Variants in GMDS observed in about 807,000 individuals in gnomAD.
GMDS encodes the protein GDP-mannose 4,6 dehydratase.
In GMDS, 20 loss-of-function variants were observed where a neutral mutation model predicts 49.9. The ratio of observed to expected loss-of-function variants is 0.40; its 90% CI spans 0.28 to 0.58. The LOEUF (loss-of-function observed/expected upper bound fraction) is 0.58. Ranked by LOEUF, GMDS falls within the 20% of genes least tolerant of loss-of-function variation. The pLI, the probability that GMDS is intolerant of heterozygous loss-of-function variation, is 0.42. For missense variants in GMDS, 362 were observed against 481.4 expected (o/e 0.75, Z 2.32); for synonymous variants, 177 against 178.6 (o/e 0.99, Z 0.07).
intron 1 of GMDS, among the ~76,000 whole-genome samples, chr6:2,205,007 T>A (rs1046864410): frequency 1.3e-5 from 2 of 152,112 alleles, no homozygotes; most frequent in South Asian, 4.1e-4. Flanking sequence ...TAATATTGAA[T>A]TTTTTTTACG....
chr6:2,135,626 C>A (rs1249696983), intron 1 of GMDS, among the ~76,000 whole-genome samples: 1 of 150,358 alleles, frequency 6.7e-6, no homozygotes, highest in Non-Finnish European at 1.5e-5. Context: ...TCATCATCAT[C>A]ATATTAGCAA....
intron 8 of GMDS, among the ~76,000 whole-genome samples, chr6:1,732,313 G>A (rs1032786766): frequency 3.3e-5 from 5 of 152,298 alleles, no homozygotes; most frequent in Admixed American, 1.3e-4. Flanking sequence ...GTGACAGAGC[G>A]AGGCTCCGTC....
chr6:1,713,602 T>TG (rs1302756753), intron 9 of GMDS, among the ~76,000 whole-genome samples: 2 of 151,468 alleles, frequency 1.3e-5, no homozygotes, highest in Non-Finnish European at 2.9e-5. Flanking sequence ...TTTGGATCAA[T>TG]GGGACACACA....
intron 9 of GMDS, among the ~76,000 whole-genome samples, chr6:1,658,412 G>A (rs1290803806): frequency 6.6e-6 from 1 of 152,220 alleles, no homozygotes; most frequent in African/African-American, 2.4e-5. Context: ...GCTGGCATTC[G>A]GCCCTGCGCC....
chr6:2,087,881 T>C (rs1773102348), intron 4 of GMDS, among the ~76,000 whole-genome samples: 2 of 152,204 alleles, frequency 1.3e-5, no homozygotes, highest in Non-Finnish European at 2.9e-5. Flanking sequence ...GCCCAAGTTT[T>C]GTGTCCTCAG....
chr6:1,900,895 C>CA (rs1760468027), intron 7 of GMDS, among the ~76,000 whole-genome samples: 1 of 152,214 alleles, frequency 6.6e-6, no homozygotes, highest in Admixed American at 6.5e-5. Context: ...TGATATCACT[C>CA]ACAGTGTTTC....
chr6:2,004,771 T>C (rs917646324), intron 4 of GMDS, among the ~76,000 whole-genome samples: 34 of 152,178 alleles, frequency 2.2e-4, no homozygotes, highest in African/African-American at 7.7e-4. Flanking sequence ...AAAATAAGGA[T>C]TGTGGGATAC....
chr6:2,078,923 A>G (rs1390474741), intron 4 of GMDS, among the ~76,000 whole-genome samples: 1 of 150,646 alleles, frequency 6.6e-6, no homozygotes, highest in Non-Finnish European at 1.5e-5. Flanking sequence ...TATTTATCCT[A>G]TGAATCTTGT....
chr6:1,821,424 C>T (rs1189007097), intron 7 of GMDS, among the ~76,000 whole-genome samples: 1 of 151,884 alleles, frequency 6.6e-6, no homozygotes, highest in African/African-American at 2.4e-5. Context: ...CAAACTCTGC[C>T]AAGCTGGGAT....
intron 1 of GMDS, among the ~76,000 whole-genome samples, chr6:2,189,204 G>C (rs1000530316): frequency 6.6e-6 from 1 of 152,116 alleles, no homozygotes. Context: ...AGGGAAAAAA[G>C]GGAGCAGAAA....
chr6:1,911,860 G>A (rs1267378498), intron 7 of GMDS, among the ~76,000 whole-genome samples: 1 of 152,052 alleles, frequency 6.6e-6, no homozygotes, highest in Non-Finnish European at 1.5e-5. Flanking sequence ...TTCTGACTAA[G>A]CAAGGTCTTT....
chr6:1,759,894 C>A (rs948642981), intron 7 of GMDS, among the ~76,000 whole-genome samples: 1 of 151,922 alleles, frequency 6.6e-6, no homozygotes, highest in African/African-American at 2.4e-5. Context: ...GCCTACTGCG[C>A]CCCAGCCCCC....
chr6:1,624,744 G>A, intron 9 of GMDS: 1 of 552,798 alleles, frequency 1.8e-6, no homozygotes, highest in Non-Finnish European at 3.2e-6. Context: ...TGTGCTGTGC[G>A]GACCCGTGAG....
intron 4 of GMDS, among the ~76,000 whole-genome samples, chr6:1,978,198 T>C (rs973623322): frequency 6.6e-6 from 1 of 151,896 alleles, no homozygotes; most frequent in Non-Finnish European, 1.5e-5. Context: ...CCCCCAGCAG[T>C]GAACCAAAGC....
intron 4 of GMDS, among the ~76,000 whole-genome samples, chr6:2,061,780 C>T (rs186198374): frequency 1.3e-5 from 2 of 149,102 alleles, no homozygotes; most frequent in East Asian, 4.0e-4. Flanking sequence ...TTTGAAACTA[C>T]CTCAGTTGGA....
At chr6:1,636,391 C>A (rs1763148870) in intron 9 of GMDS, among the ~76,000 whole-genome samples, 1 of 152,182 alleles carries the variant, frequency 6.6e-6, no homozygotes, top group Non-Finnish European at 1.5e-5. Context: ...AAGATTGAGC[C>A]AGGGCTGACA....
At chr6:1,637,601 G>C in intron 9 of GMDS, among the ~76,000 whole-genome samples, 1 of 152,196 alleles carries the variant, frequency 6.6e-6, no homozygotes, top group East Asian at 1.9e-4. Context: ...AATGGCACAA[G>C]GGGAAGCACG....
intron 7 of GMDS, among the ~76,000 whole-genome samples, chr6:1,791,834 T>C (rs1484235732): frequency 6.6e-6 from 1 of 152,154 alleles, no homozygotes; most frequent in Non-Finnish European, 1.5e-5. Context: ...TTTAATCTAA[T>C]CAAAATAGCA....
intron 1 of GMDS, among the ~76,000 whole-genome samples, chr6:2,228,832 A>G (rs535996871): frequency 6.6e-6 from 1 of 152,212 alleles, no homozygotes; most frequent in Admixed American, 6.5e-5. Flanking sequence ...GACAGCTTCA[A>G]CAAGTGGGAT....
Sources: allele counts gnomAD v4.1 joint callset (sites outside exome capture counted in the v4.1 genomes callset), GRCh38; gene constraint gnomAD v4.1.1; transcripts MANE v1.5; gene names NCBI Gene and HGNC (gene_info 2026-07-23, HGNC 2026-07-21).